The following GXYLT1 variants were observed in gnomAD, a reference collection of about 807,000 sequenced individuals.
GXYLT1 encodes the protein glycosyltransferase 8 domain containing 3.
Under a neutral mutation model 54.0 loss-of-function variants are expected in GXYLT1, and 29 were observed. The ratio of observed to expected loss-of-function variants is 0.54; its 90% CI spans 0.40 to 0.73. The LOEUF (loss-of-function observed/expected upper bound fraction) is 0.73, where lower values mean the gene tolerates loss of function less well. GXYLT1 is among the 30% of genes least tolerant of loss of function. The probability of loss-of-function intolerance (pLI) is 0.00; values close to 1 mark genes in which losing one functional copy is unlikely to be tolerated. For synonymous variants in GXYLT1, 176 were observed against 204.1 expected (o/e 0.86, Z 1.17); for missense variants, 490 against 553.4 (o/e 0.89, Z 1.15).
At chr12:42,102,960 T>C (rs2065398655) in intron 5 of GXYLT1, among the ~76,000 whole-genome samples, 1 of 152,046 alleles carries the variant, frequency 6.6e-6, no homozygotes, top group African/African-American at 2.4e-5. Flanking sequence ...AATTTTTTTT[T>C]TCTTTTGAGA....
rs1256209181 is a variant in GXYLT1, at chr12:42,097,547, G to A, written c.1056C>T (p.Cys352=). 1 of 1,611,788 alleles carries A rather than the reference G, an allele frequency of 6.2e-7. No individual in the cohort carries two copies. ...RPDHCIYGSN[C]QEAEEGGIFI... ...AGATTCCTCCTTCTTCTGCTTCTTG[G>A]CAATTGCTTCCATATATACAATGAT... Residue 352 remains cysteine (C), a synonymous_variant, in exon 7 of 8, where the codon TGC becomes TGT. Coordinates refer to ENST00000398675, the MANE Select transcript of GXYLT1 (RefSeq NM_173601.2).
rs1016051863 is a variant in GXYLT1 at position 42,083,123 on chromosome 12, T to A, written c.*4663A>T. On this transcript the variant is annotated 3_prime_UTR_variant, in exon 8 of 8. Coordinates refer to ENST00000398675, the MANE Select transcript of GXYLT1 (RefSeq NM_173601.2). ...CCATTTTAAACTGTTACATCTAATA[T>A]GCTATTCTGTTTTTCTCATGAGTCT... The A allele has an allele frequency of 3.2e-4, 48 of 152,332 alleles. No individual in the cohort carries two copies. Among genetic ancestry groups the A allele is most frequent in the African/African-American group, 1.1e-3 (45 of 41,586 alleles). The allele number at this position is 152,332 out of a possible 1,614,324, so 9.4% of individuals were successfully genotyped here. A position where few individuals can be genotyped will look rare whatever the true frequency, so the allele number is the denominator to read the frequency against.
At chr12:42,135,962 G>GT (rs2065617379) in intron 1 of GXYLT1, among the ~76,000 whole-genome samples, 1 of 152,172 alleles carries the variant, frequency 6.6e-6, no homozygotes, top group Non-Finnish European at 1.5e-5. Flanking sequence ...ATATAGGAAA[G>GT]ATGTTTTTCT....
intron 2 of GXYLT1, among the ~76,000 whole-genome samples, chr12:42,126,308 C>CA (rs1290782640): frequency 6.6e-6 from 1 of 152,100 alleles, no homozygotes; most frequent in Non-Finnish European, 1.5e-5. Context: ...CTCCTGACCT[C>CA]AGGCGATCGG....
At chr12:42,106,833 C>T (rs1160287434) in intron 4 of GXYLT1, among the ~76,000 whole-genome samples, 1 of 149,688 alleles carries the variant, frequency 6.7e-6, no homozygotes, top group East Asian at 2.0e-4. Flanking sequence ...GCAACCTCTA[C>T]CTCCTGGGTT....
intron 4 of GXYLT1, among the ~76,000 whole-genome samples, chr12:42,106,527 T>C (rs905510332): frequency 6.6e-6 from 1 of 152,050 alleles, no homozygotes; most frequent in Non-Finnish European, 1.5e-5. Flanking sequence ...TAGTAAGTGG[T>C]AGAGCCAAAC....
At chr12:42,136,807 C>T (rs2065622443) in intron 1 of GXYLT1, among the ~76,000 whole-genome samples, 1 of 152,066 alleles carries the variant, frequency 6.6e-6, no homozygotes, top group African/African-American at 2.4e-5. Context: ...CACACACACA[C>T]AAGTCGCCCA....
intron 5 of GXYLT1, among the ~76,000 whole-genome samples, chr12:42,103,925 G>A (rs1043969831): frequency 2.0e-5 from 3 of 152,080 alleles, no homozygotes; most frequent in Non-Finnish European, 2.9e-5. Context: ...ATTTATGAAT[G>A]ATATTTAAAT....
intron 1 of GXYLT1, among the ~76,000 whole-genome samples, chr12:42,131,523 G>A (rs1487587271): frequency 6.6e-6 from 1 of 152,188 alleles, no homozygotes; most frequent in Non-Finnish European, 1.5e-5. Context: ...ACTGCATAAA[G>A]AACAAGGTTG....
intron 5 of GXYLT1, among the ~76,000 whole-genome samples, chr12:42,103,408 C>A (rs1429785528): frequency 3.9e-5 from 6 of 152,096 alleles, no homozygotes; most frequent in Non-Finnish European, 5.9e-5. Flanking sequence ...GGTTAAGAAC[C>A]ATGAAGCAAC....
chr12:42,118,983 A>G lies in GXYLT1; in HGVS notation c.486+17T>C, dbSNP rs1000925725. The G allele has an allele frequency of 2.6e-6, 4 of 1,519,016 alleles. No individual in the cohort carries two copies. Among genetic ancestry groups the G allele is most frequent in the Non-Finnish European group, 3.6e-6 (4 of 1,119,882 alleles). The allele number at this position is 1,519,016 out of a possible 1,614,324, so 94.1% of individuals were successfully genotyped here. On this transcript the variant is annotated intron_variant, in intron 3 of 7. Transcript: ENST00000398675. Reference sequence around the variant, plus strand: ...AATATTCAACTCTACAACCTTGACTATGTCTCAAATACTTACTCTGCCTTT... The same window carrying G: ...AATATTCAACTCTACAACCTTGACTGTGTCTCAAATACTTACTCTGCCTTT...
chr12:42,095,102 C>A (rs1289899960), intron 7 of GXYLT1, among the ~76,000 whole-genome samples: 1 of 152,054 alleles, frequency 6.6e-6, no homozygotes, highest in African/African-American at 2.4e-5. Context: ...ACTAAGATAC[C>A]ATTTCTCACC....
rs371608089 is a variant in GXYLT1, at chr12:42,116,604, C to A, written c.486+2396G>T. Among the ~76,000 whole-genome samples the A allele has an allele frequency of 1.8e-4, 27 of 152,218 alleles. No individual in the cohort carries two copies. In the East Asian group the frequency reaches 5.2e-3, roughly 29 times the overall value. On this transcript the variant is annotated intron_variant, in intron 3 of 7. Coordinates refer to ENST00000398675, the MANE Select transcript of GXYLT1 (RefSeq NM_173601.2). ...TACCATCTCACACCAGTTAGAATGG[C>A]AATCATTAAAAAGTCAGGAAACAGC... is the stretch of plus-strand genomic sequence containing the variant.
rs1458593389 is a variant in GXYLT1, at chr12:42,083,143, G to C, written c.*4643C>G. On this transcript the variant is annotated 3_prime_UTR_variant, in exon 8 of 8. Coordinates refer to ENST00000398675, the MANE Select transcript of GXYLT1 (RefSeq NM_173601.2). Reference sequence around the variant, plus strand: ...TAATATGCTATTCTGTTTTTCTCATGAGTCTTTAATTGCTGGATATTTGAA... The same window carrying C: ...TAATATGCTATTCTGTTTTTCTCATCAGTCTTTAATTGCTGGATATTTGAA... 1 of 151,826 alleles carries C rather than the reference G, an allele frequency of 6.6e-6. No homozygotes were observed. Among genetic ancestry groups the C allele is most frequent in the African/African-American group, 2.4e-5 (1 of 41,292 alleles). 9.4% of individuals were successfully genotyped at this position (151,826 alleles called of 1,614,324 possible).
intron 2 of GXYLT1, among the ~76,000 whole-genome samples, chr12:42,121,418 G>A (rs1182206707): frequency 2.0e-5 from 3 of 152,122 alleles, no homozygotes; most frequent in Non-Finnish European, 2.9e-5. Context: ...GACCGCTTGA[G>A]GCCCAGAGTT....
chr12:42,115,480 G>C (rs202143850), intron 3 of GXYLT1, among the ~76,000 whole-genome samples: 80,254 of 151,926 alleles, frequency 0.53, 21,443 homozygotes, highest in South Asian at 0.7. Flanking sequence ...TTCTTATACA[G>C]CAATAACAGA....
intron 1 of GXYLT1, among the ~76,000 whole-genome samples, chr12:42,130,717 G>A (rs1260431086): frequency 1.3e-5 from 2 of 152,102 alleles, no homozygotes; most frequent in African/African-American, 4.8e-5. Flanking sequence ...TTGGGAGGCT[G>A]AGGTAGGTAG....
intron 3 of GXYLT1, among the ~76,000 whole-genome samples, chr12:42,112,429 A>G (rs192560286): frequency 6.6e-6 from 1 of 152,362 alleles, no homozygotes; most frequent in East Asian, 1.9e-4. Context: ...AGAATAACCA[A>G]TGCAGAGAAG....
intron 2 of GXYLT1, among the ~76,000 whole-genome samples, chr12:42,125,099 G>A (rs190866750): frequency 1.3e-5 from 2 of 152,330 alleles, no homozygotes; most frequent in East Asian, 3.9e-4. Context: ...GAAGGGAGAT[G>A]AAGTGAGCAG....
Sources: gnomAD v4.1 joint callset for allele counts (sites outside exome capture counted in the v4.1 genomes callset) on GRCh38, gnomAD v4.1.1 for gene constraint, MANE v1.5 for transcripts, NCBI Gene and HGNC (gene_info 2026-07-23, HGNC 2026-07-21) for gene names.